The following IPO11 variants were observed in gnomAD, a reference collection of about 807,000 sequenced individuals.
The protein encoded by IPO11 is importin-11.
A neutral mutation model predicts 143.2 loss-of-function variants in IPO11; 66 were observed. That is an observed-to-expected ratio of 0.46 (90% confidence interval 0.38 to 0.57). The LOEUF (loss-of-function observed/expected upper bound fraction) is 0.57, where lower values mean the gene tolerates loss of function less well. Among genes scored for constraint, IPO11 ranks in the 20% least tolerant of loss-of-function variants. IPO11 has a pLI of 0.00. For missense variants in IPO11, 1,026 were observed against 1,141.0 expected (o/e 0.90, Z 1.45); for synonymous variants, 385 against 377.8 (o/e 1.02, Z -0.22).
At chr5:62,486,895 T>G (rs1746427321) in intron 12 of IPO11, among the ~76,000 whole-genome samples, 2 of 152,144 alleles carry the variant, frequency 1.3e-5, no homozygotes, top group Admixed American at 6.5e-5. Flanking sequence ...AGATGACACA[T>G]CCTCTGACCA....
chr5:62,596,472 A>G (rs1745223390), intron 28 of IPO11, among the ~76,000 whole-genome samples: 2 of 152,126 alleles, frequency 1.3e-5, no homozygotes, highest in Non-Finnish European at 2.9e-5. Flanking sequence ...AATCAGATTT[A>G]TACTTAGAAA....
At chr5:62,513,305 C>CAGA (rs1741848586) in intron 19 of IPO11, among the ~76,000 whole-genome samples, 1 of 61,972 alleles carries the variant, frequency 1.6e-5, no homozygotes, top group African/African-American at 7.8e-5. Flanking sequence ...GCTGGCTGGG[C>CAGA]GTGGGGCTGA....
chr5:62,548,371 T>G (rs1743278877), intron 24 of IPO11, among the ~76,000 whole-genome samples: 1 of 152,150 alleles, frequency 6.6e-6, no homozygotes, highest in Admixed American at 6.6e-5. Context: ...ACTCCCACCT[T>G]GGGGCTCTTT....
intron 27 of IPO11, among the ~76,000 whole-genome samples, chr5:62,571,045 T>C (rs1224437543): frequency 6.6e-6 from 1 of 152,242 alleles, no homozygotes; most frequent in Non-Finnish European, 1.5e-5. Context: ...CTAGAAAAAG[T>C]ACTCAGAGGA....
chr5:62,548,629 C>T (rs1166260415), intron 24 of IPO11, among the ~76,000 whole-genome samples: 1 of 152,152 alleles, frequency 6.6e-6, no homozygotes, highest in Non-Finnish European at 1.5e-5. Flanking sequence ...AGACTTTCAA[C>T]CAGTCTTATT....
chr5:62,601,932 T>C (rs1210239030), intron 29 of IPO11, 84 bp downstream of exon 29: 8 of 773,294 alleles, frequency 1.0e-5, no homozygotes, highest in Non-Finnish European at 1.6e-5. Flanking sequence ...GGTCTATTTG[T>C]CCATCCAGCT....
chr5:62,536,709 T>A lies in IPO11; in HGVS notation c.2097T>A (p.Ser699Arg), dbSNP rs780888788. The A allele has an allele frequency of 3.2e-6, 5 of 1,574,760 alleles. No homozygotes were observed. Among genetic ancestry groups the A allele is most frequent in the Admixed American group, 4.0e-5 (2 of 49,702 alleles). The change falls in exon 23 of 30, where the codon AGT becomes AGA. Residue 699 changes from serine to arginine, a missense_variant. Around this residue, in one of 5 missense-constraint regions of IPO11, gnomAD observed 351 missense variants for 358.9 expected, o/e 0.98. Transcript: ENST00000325324. ...FQNMSPLLEL[S>R]SENLRTCFKI... ...CATTTATTGTTTTGGCAGAACTAAG[T>A]TCAGAAAATCTTAGAACTTGCTTTA...
At chr5:62,416,789 A>G (rs1743310900) in intron 1 of IPO11, among the ~76,000 whole-genome samples, 1 of 146,534 alleles carries the variant, frequency 6.8e-6, no homozygotes, top group Non-Finnish European at 1.5e-5. Context: ...CAGTGGTGCT[A>G]TCTTGGCTCA....
intron 8 of IPO11, among the ~76,000 whole-genome samples, chr5:62,476,352 CTACTT>C (rs754551945): frequency 7.2e-5 from 11 of 152,100 alleles, no homozygotes; most frequent in East Asian, 1.9e-4. Context: ...TACTCCTTGA[CTACTT>C]TATTTTACAC....
chr5:62,479,167 A>G (rs1024558849), intron 9 of IPO11, among the ~76,000 whole-genome samples: 4 of 152,068 alleles, frequency 2.6e-5, no homozygotes, highest in Non-Finnish European at 5.9e-5. Context: ...ATTCCCACCT[A>G]TGAGTGAGAA....
intron 29 of IPO11, among the ~76,000 whole-genome samples, chr5:62,604,718 T>C (rs1745639507): frequency 1.3e-5 from 2 of 152,226 alleles, no homozygotes; most frequent in Non-Finnish European, 2.9e-5. Flanking sequence ...TATAGATTTA[T>C]ATTATCATCT....
chr5:62,467,754 G>A (rs1745621694), intron 6 of IPO11, among the ~76,000 whole-genome samples: 1 of 152,028 alleles, frequency 6.6e-6, no homozygotes, highest in South Asian at 2.1e-4. Flanking sequence ...CTGTGTCTTG[G>A]TATATGTTGC....
At chr5:62,554,769 G>A (rs1180688425) in intron 26 of IPO11, among the ~76,000 whole-genome samples, 1 of 152,172 alleles carries the variant, frequency 6.6e-6, no homozygotes, top group Non-Finnish European at 1.5e-5. Flanking sequence ...AGGCTGGAGT[G>A]TAGTGGCAGA....
At chr5:62,481,766 T>C (rs576940935) in intron 9 of IPO11, among the ~76,000 whole-genome samples, 2 of 152,334 alleles carry the variant, frequency 1.3e-5, no homozygotes, top group Admixed American at 1.3e-4. Flanking sequence ...TTGTTGTATC[T>C]CTGCGAGGCT....
intron 5 of IPO11, among the ~76,000 whole-genome samples, chr5:62,466,832 T>C (rs1745591204): frequency 6.6e-6 from 1 of 152,192 alleles, no homozygotes. Context: ...ATAAAAAGAA[T>C]AAAAATAGAA....
At chr5:62,436,361 A>G (rs1246039997) in intron 1 of IPO11, among the ~76,000 whole-genome samples, 1 of 152,234 alleles carries the variant, frequency 6.6e-6, no homozygotes, top group Admixed American at 6.5e-5. Flanking sequence ...TCACAGAGAT[A>G]GCCACTGTCA....
intron 27 of IPO11, among the ~76,000 whole-genome samples, chr5:62,591,201 C>A (rs1744997698): frequency 6.6e-6 from 1 of 152,014 alleles, no homozygotes; most frequent in South Asian, 2.1e-4. Flanking sequence ...CAAATATTTT[C>A]TTCCAGAATT....
At chr5:62,570,210 C>G (rs566173594) in intron 27 of IPO11, among the ~76,000 whole-genome samples, 3 of 152,080 alleles carry the variant, frequency 2.0e-5, no homozygotes, top group Non-Finnish European at 4.4e-5. Context: ...TGATTAATTC[C>G]TTGGCTTACT....
chr5:62,426,931 G>GTTTTTTT (rs763031944), intron 1 of IPO11, among the ~76,000 whole-genome samples: 507 of 90,214 alleles, frequency 5.6e-3, no homozygotes, highest in Non-Finnish European at 7.8e-3. Flanking sequence ...TTTTCTTTCT[G>GTTTTTTT]TTTTTTTTTT....
Sources: allele counts gnomAD v4.1 joint callset (sites outside exome capture counted in the v4.1 genomes callset), GRCh38; gene constraint gnomAD v4.1.1; regional missense constraint gnomAD v4.1.1; transcripts MANE v1.5; gene names NCBI Gene and HGNC (gene_info 2026-07-23, HGNC 2026-07-21).